Variants in SUCLG2 observed in about 807,000 individuals in gnomAD.
SUCLG2 encodes the protein succinate--CoA ligase [GDP-forming] subunit beta, mitochondrial.
Under a neutral mutation model 47.9 loss-of-function variants are expected in SUCLG2, and 42 were observed. That is an observed-to-expected ratio of 0.88 (90% CI 0.69 to 1.14). The LOEUF (loss-of-function observed/expected upper bound fraction) is 1.14. Ranked by LOEUF, SUCLG2 falls within the 50% of genes most tolerant of loss-of-function variation. The pLI is 0.00. For synonymous variants in SUCLG2, 195 were observed against 197.3 expected (o/e 0.99, Z 0.10); for missense variants, 571 against 525.9 (o/e 1.09, Z -0.84).
intron 9 of SUCLG2, among the ~76,000 whole-genome samples, chr3:67,417,723 C>T (rs1260857701): frequency 1.3e-5 from 2 of 152,124 alleles, no homozygotes; most frequent in Admixed American, 6.5e-5. Context: ...TTTCCTCCAG[C>T]AGAGAAAGGC....
intron 1 of SUCLG2, 113 bp from the exon 2 acceptor site, chr3:67,609,709 G>T: frequency 1.0e-6 from 1 of 954,626 alleles, no homozygotes; most frequent in Non-Finnish European, 1.4e-6. Flanking sequence ...GCAACCCAGA[G>T]TTGAGAGAAG....
intron 9 of SUCLG2, among the ~76,000 whole-genome samples, chr3:67,411,238 A>AG (rs1025177936): frequency 4.6e-5 from 7 of 152,108 alleles, no homozygotes; most frequent in African/African-American, 1.7e-4. Flanking sequence ...AGAAAAAAAA[A>AG]TAGCTAAGCA....
At chr3:67,439,844 T>C (rs577299260) in intron 9 of SUCLG2, among the ~76,000 whole-genome samples, 58 of 152,338 alleles carry the variant, frequency 3.8e-4, no homozygotes, top group African/African-American at 1.3e-3. Flanking sequence ...CCCATCAAGC[T>C]ACCACTGACT....
chr3:67,633,299 C>A (rs1166005268), intron 1 of SUCLG2, among the ~76,000 whole-genome samples: 3 of 152,084 alleles, frequency 2.0e-5, no homozygotes, highest in Admixed American at 2.0e-4. Flanking sequence ...AAAATGTATC[C>A]ATTAAATATT....
intron 9 of SUCLG2, among the ~76,000 whole-genome samples, chr3:67,431,007 G>A (rs1276999901): frequency 2.0e-5 from 3 of 152,056 alleles, no homozygotes; most frequent in Admixed American, 6.6e-5. Flanking sequence ...ATTCACAGCC[G>A]AATTCTACCA....
intron 9 of SUCLG2, among the ~76,000 whole-genome samples, chr3:67,487,821 A>C (rs1037281470): frequency 2.2e-4 from 34 of 152,102 alleles, no homozygotes; most frequent in Non-Finnish European, 1.2e-4. Flanking sequence ...TTTGACCCTT[A>C]CACTTCTAGG....
intron 10 of SUCLG2, among the ~76,000 whole-genome samples, chr3:67,387,061 T>C (rs565467675): frequency 6.6e-6 from 1 of 152,286 alleles, no homozygotes; most frequent in Non-Finnish European, 1.5e-5. Context: ...CATGTTTAGA[T>C]CTGCACAATA....
At chr3:67,384,857 C>T (rs1374136676) in intron 10 of SUCLG2, among the ~76,000 whole-genome samples, 9 of 152,218 alleles carry the variant, frequency 5.9e-5, no homozygotes, top group Non-Finnish European at 1.3e-4. Flanking sequence ...GCTCAGGCAG[C>T]CACTGCCAAT....
chr3:67,490,340 G>A (rs1322293327), intron 9 of SUCLG2, among the ~76,000 whole-genome samples: 1 of 152,142 alleles, frequency 6.6e-6, no homozygotes, highest in Non-Finnish European at 1.5e-5. Context: ...ACCTGATTCT[G>A]AAAATATGGC....
chr3:67,612,782 A>T (rs1700554756), intron 1 of SUCLG2, among the ~76,000 whole-genome samples: 2 of 152,186 alleles, frequency 1.3e-5, no homozygotes, highest in South Asian at 4.1e-4. Context: ...GACTATACCC[A>T]CTTGAGATGC....
At chr3:67,497,564 T>C (rs1705379921) in intron 8 of SUCLG2, among the ~76,000 whole-genome samples, 1 of 152,174 alleles carries the variant, frequency 6.6e-6, no homozygotes, top group Admixed American at 6.5e-5. Flanking sequence ...TCACAGAACC[T>C]GAAACTTTAG....
At chr3:67,387,968 T>C (rs1702295947) in intron 10 of SUCLG2, among the ~76,000 whole-genome samples, 1 of 150,692 alleles carries the variant, frequency 6.6e-6, no homozygotes, top group Non-Finnish European at 1.5e-5. Flanking sequence ...GCTGGGAAAA[T>C]AAAATGGAAA....
At chr3:67,409,017 T>C (rs1702876762) in intron 9 of SUCLG2, 4 of 1,535,262 alleles carry the variant, frequency 2.6e-6, no homozygotes, top group Non-Finnish European at 3.5e-6. Context: ...AAGTATTTCT[T>C]GCTTTCAAAT....
At chr3:67,531,906 A>G (rs1297313531) in intron 2 of SUCLG2, among the ~76,000 whole-genome samples, 3 of 152,182 alleles carry the variant, frequency 2.0e-5, no homozygotes, top group Admixed American at 2.0e-4. Flanking sequence ...ATTCACATGT[A>G]CTAAATGTCA....
chr3:67,536,254 T>C (rs1706538420), intron 2 of SUCLG2, among the ~76,000 whole-genome samples: 1 of 152,260 alleles, frequency 6.6e-6, no homozygotes, highest in Non-Finnish European at 1.5e-5. Flanking sequence ...GTATGCAATA[T>C]ATACACTGTC....
intron 1 of SUCLG2, among the ~76,000 whole-genome samples, chr3:67,637,929 A>G (rs1163038833): frequency 6.6e-6 from 1 of 152,242 alleles, no homozygotes; most frequent in Non-Finnish European, 1.5e-5. Flanking sequence ...AGTTACAAAA[A>G]AAGAGTGAAC....
intron 2 of SUCLG2, among the ~76,000 whole-genome samples, chr3:67,593,668 C>T (rs1708226899): frequency 6.6e-6 from 1 of 152,242 alleles, no homozygotes; most frequent in South Asian, 2.1e-4. Flanking sequence ...GGACAGTCCA[C>T]AGGGTGACCG....
At chr3:67,386,563 G>A (rs1702265458) in intron 10 of SUCLG2, among the ~76,000 whole-genome samples, 1 of 152,186 alleles carries the variant, frequency 6.6e-6, no homozygotes, top group Admixed American at 6.5e-5. Context: ...CACAATCGTG[G>A]TGGAAGAGCA....
chr3:67,594,418 T>C (rs1367288858), intron 2 of SUCLG2, among the ~76,000 whole-genome samples: 2 of 152,220 alleles, frequency 1.3e-5, no homozygotes, highest in Non-Finnish European at 2.9e-5. Context: ...AAGCTGTTTC[T>C]AGTTCAGGAT....
Sources: gnomAD v4.1 joint callset for allele counts (sites outside exome capture counted in the v4.1 genomes callset) on GRCh38, gnomAD v4.1.1 for gene constraint, MANE v1.5 for transcripts, NCBI Gene and HGNC (gene_info 2026-07-23, HGNC 2026-07-21) for gene names.